Variants in HAUS7 observed in about 807,000 individuals in gnomAD.
HAUS7 encodes HAUS augmin-like complex subunit 7.
A neutral mutation model predicts 28.4 loss-of-function variants in HAUS7; 3 were observed. The observed-to-expected ratio is 0.11, with a 90% CI of 0.05 to 0.27. The LOEUF is 0.27. HAUS7 is among the 10% of genes least tolerant of loss of function. HAUS7 has a pLI of 1.00. For missense variants in HAUS7, 284 were observed against 297.3 expected, an observed-to-expected ratio of 0.96 and a Z score of 0.33; for synonymous variants, 165 against 132.1, an observed-to-expected ratio of 1.25 and a Z score of -1.71.
At chrX:153,494,191 G>A (rs910560358) in intron 1 of HAUS7, among the ~76,000 whole-genome samples, 9 of 112,021 alleles carry the variant, frequency 8.0e-5, no homozygotes, top group African/African-American at 1.3e-4. Context: ...GTTAGCCCCC[G>A]TAAGTGACCA....
At chrX:153,485,596 C>T (rs1204597866) in intron 1 of HAUS7, among the ~76,000 whole-genome samples, 1 of 112,400 alleles carries the variant, frequency 8.9e-6, no homozygotes, top group Non-Finnish European at 1.9e-5. Flanking sequence ...AGGGCCTGGC[C>T]TGACTCACAC....
chrX:153,489,658 A>T, intron 1 of HAUS7, among the ~76,000 whole-genome samples: 1 of 112,274 alleles, frequency 8.9e-6, no homozygotes. Flanking sequence ...GGGGGCAAGG[A>T]GCCGTGCCCT....
chrX:153,492,694 G>A (rs1260100986), intron 1 of HAUS7, among the ~76,000 whole-genome samples: 5 of 110,273 alleles, frequency 4.5e-5, no homozygotes, highest in African/African-American at 6.7e-5. Context: ...GTGCAGGGCC[G>A]GACTGCAGCG....
chrX:153,461,369 C>T (rs1194296185), intron 4 of HAUS7, among the ~76,000 whole-genome samples: 4 of 110,666 alleles, frequency 3.6e-5, no homozygotes, highest in Non-Finnish European at 7.6e-5. Context: ...AAGGAGCCCC[C>T]GTGTGCAGGG....
At chrX:153,476,051 T>C (rs1321937594) in intron 1 of HAUS7, among the ~76,000 whole-genome samples, 10 of 111,850 alleles carry the variant, frequency 8.9e-5, no homozygotes, top group Admixed American at 9.4e-5. Context: ...GGCCGGATCC[T>C]GTGACTCCTC....
At chrX:153,469,888 C>A (rs2089499025) in intron 1 of HAUS7, among the ~76,000 whole-genome samples, 1 of 110,867 alleles carries the variant, frequency 9.0e-6, no homozygotes, top group African/African-American at 3.3e-5. Context: ...GAGCCAGTCG[C>A]GGACAGGATG....
At chrX:153,494,237 A>G (rs1158180989) in intron 1 of HAUS7, among the ~76,000 whole-genome samples, 6 of 112,388 alleles carry the variant, frequency 5.3e-5, no homozygotes, top group Non-Finnish European at 1.1e-4. Context: ...GGCCACCCAC[A>G]GAGTGGTTCT....
upstream of HAUS7, among the ~76,000 whole-genome samples, chrX:153,473,135 G>A (rs1196085302): frequency 9.1e-6 from 1 of 109,999 alleles, no homozygotes; most frequent in Non-Finnish European, 1.9e-5. Context: ...CAGCCTCCCT[G>A]ACCTGTGGAG....
chrX:153,461,394 C>T (rs1556983338), intron 4 of HAUS7, among the ~76,000 whole-genome samples: 1 of 110,036 alleles, frequency 9.1e-6, no homozygotes, highest in Non-Finnish European at 1.9e-5. Context: ...GTGTCCATGG[C>T]GGGAGAGGCT....
intron 2 of HAUS7, among the ~76,000 whole-genome samples, chrX:153,467,343 C>A (rs1266804566): frequency 9.0e-6 from 1 of 111,673 alleles, no homozygotes; most frequent in African/African-American, 3.3e-5. Flanking sequence ...CACAGAGCAC[C>A]CTGAGTCACC....
intron 1 of HAUS7, among the ~76,000 whole-genome samples, chrX:153,489,788 T>C (rs1307903930): frequency 8.9e-6 from 1 of 112,658 alleles, no homozygotes; most frequent in Admixed American, 9.3e-5. Flanking sequence ...CTTCTCCAAC[T>C]GCCCCTCACT....
intron 2 of HAUS7, among the ~76,000 whole-genome samples, chrX:153,466,229 A>T (rs2089453610): frequency 8.9e-6 from 1 of 112,754 alleles, no homozygotes; most frequent in South Asian, 3.7e-4. Flanking sequence ...GTTGCCGAGA[A>T]CATCTCTGAG....
At chrX:153,489,838 G>A (rs1202680751) in intron 1 of HAUS7, among the ~76,000 whole-genome samples, 1 of 111,946 alleles carries the variant, frequency 8.9e-6, no homozygotes, top group Non-Finnish European at 1.9e-5. Flanking sequence ...GCCACATTCT[G>A]TTCTGAGCCC....
At position 153,456,195 on chromosome X, in the gene HAUS7, C is replaced by T. The variant is rs1484139396; in HGVS notation, c.705+70G>A. 20 of 827,062 alleles carry T rather than the reference C, an allele frequency of 2.4e-5. No homozygotes were observed. The East Asian group carries it at 4.4e-4, about 18-fold the overall frequency. The allele number at this position is 827,062 out of a possible 1,213,427, so 68.2% of individuals were successfully genotyped here. A position where few individuals can be genotyped will look rare whatever the true frequency, so the allele number is the denominator to read the frequency against. Reference sequence around the variant, plus strand: ...CACAGGCAACCTCGCCTAAGCCTCACGTGCTGAGGGAGGTGACAAAGCAGG... The same window carrying T: ...CACAGGCAACCTCGCCTAAGCCTCATGTGCTGAGGGAGGTGACAAAGCAGG... On this transcript the variant is annotated intron_variant, in intron 7 of 9. Coordinates refer to ENST00000370211, the MANE Select transcript of HAUS7 (RefSeq NM_001385482.1).
chrX:153,495,289 C>G (rs2089703490), intron 1 of HAUS7: 1 of 112,038 alleles, frequency 8.9e-6, no homozygotes, highest in Admixed American at 9.4e-5. Flanking sequence ...CCTGCGGCCC[C>G]CTTGGTCCCT....
chrX:153,454,183 T>C (rs782516983), intron 9 of HAUS7, among the ~76,000 whole-genome samples: 2 of 112,868 alleles, frequency 1.8e-5, no homozygotes, highest in South Asian at 7.2e-4. Flanking sequence ...ACATTTTCTA[T>C]TACTGAGTTA....
At chrX:153,456,933 T>G in intron 5 of HAUS7, 2 of 441,506 alleles carry the variant, frequency 4.5e-6, no homozygotes, top group Non-Finnish European at 7.9e-6. Context: ...CCCGGGGCCT[T>G]GGGCAACAGC....
At chrX:153,453,140 T>TG (rs1556981345) in intron 9 of HAUS7, among the ~76,000 whole-genome samples, 1 of 112,503 alleles carries the variant, frequency 8.9e-6, no homozygotes, top group African/African-American at 3.2e-5. Flanking sequence ...CAAAACTTTA[T>TG]GCTCAGTGAA....
intron 3 of HAUS7, among the ~76,000 whole-genome samples, chrX:153,464,231 C>G (rs1201609915): frequency 8.9e-6 from 1 of 112,464 alleles, no homozygotes; most frequent in Non-Finnish European, 1.9e-5. Flanking sequence ...TGGGCTGGGT[C>G]GGGTCACACA....
Sources: allele counts gnomAD v4.1 joint callset (sites outside exome capture counted in the v4.1 genomes callset), GRCh38; gene constraint gnomAD v4.1.1; transcripts MANE v1.5; gene names NCBI Gene and HGNC (gene_info 2026-07-23, HGNC 2026-07-21).